The following UXS1 variants were observed in gnomAD, a reference collection of about 807,000 sequenced individuals.
UXS1 encodes UDP-glucuronate decarboxylase 1.
Under a neutral mutation model 62.6 loss-of-function variants are expected in UXS1, and 33 were observed. The observed-to-expected ratio is 0.53, with a 90% CI of 0.40 to 0.70. The LOEUF is 0.70. UXS1 is among the 30% of genes least tolerant of loss of function. The pLI is 0.00. For missense variants in UXS1, 434 were observed against 556.3 expected (o/e 0.78, Z 2.21); for synonymous variants, 213 against 206.8 (o/e 1.03, Z -0.26).
At chr2:106,148,059 C>G (rs1681710654) in intron 5 of UXS1, among the ~76,000 whole-genome samples, 1 of 152,166 alleles carries the variant, frequency 6.6e-6, no homozygotes, top group South Asian at 2.1e-4. Context: ...GAAACTGACA[C>G]CCAGAGAAGT....
At position 106,124,875 on chromosome 2, in the gene UXS1, G is replaced by C. The variant is rs144956554; in HGVS notation, c.637+745C>G. On this transcript the variant is annotated intron_variant, in intron 8 of 14. Coordinates refer to ENST00000283148, the MANE Select transcript of UXS1 (RefSeq NM_001253875.2). ...ATTTGGTTTCCTTAATTAAAAAAAA[G>C]TCTCTTCTGATTTTACCCTCTTACT... Among the ~76,000 whole-genome samples the C allele has an allele frequency of 6.2e-3, 950 of 152,204 alleles. 10 individuals are homozygous for C. The highest frequency in any genetic ancestry group is 0.021 in the African/African-American group (881 of 41,520).
intron 8 of UXS1, among the ~76,000 whole-genome samples, chr2:106,123,956 G>A (rs1679728062): frequency 1.3e-5 from 2 of 152,190 alleles, no homozygotes. Context: ...GCAGGTGCAG[G>A]GAGGTAAACA....
At chr2:106,168,590 T>C (rs1683352649) in intron 1 of UXS1, among the ~76,000 whole-genome samples, 1 of 152,224 alleles carries the variant, frequency 6.6e-6, no homozygotes, top group South Asian at 2.1e-4. Flanking sequence ...CTGTAACACT[T>C]ATACCTTTGA....
chr2:106,097,435 C>G, intron 13 of UXS1: 1 of 349,102 alleles, frequency 2.9e-6, no homozygotes. Flanking sequence ...TGGAGGCTTT[C>G]CCTGCCTCCG....
chr2:106,193,636 C>T (rs1685078267), intron 1 of UXS1, among the ~76,000 whole-genome samples: 1 of 152,176 alleles, frequency 6.6e-6, no homozygotes, highest in Admixed American at 6.5e-5. Context: ...GAGCCGCCCA[C>T]ACTTGGCTCC....
At chr2:106,184,252 A>T (rs1287569307) in intron 1 of UXS1, among the ~76,000 whole-genome samples, 1 of 152,218 alleles carries the variant, frequency 6.6e-6, no homozygotes, top group African/African-American at 2.4e-5. Context: ...AATCCTCCCC[A>T]CATTTACCCT....
intron 1 of UXS1, among the ~76,000 whole-genome samples, chr2:106,177,298 C>T (rs1421297931): frequency 6.8e-6 from 1 of 146,468 alleles, no homozygotes; most frequent in Non-Finnish European, 1.5e-5. Context: ...CGGGTTCAAG[C>T]GATTCTCCTG....
intron 9 of UXS1, among the ~76,000 whole-genome samples, chr2:106,115,067 G>C (rs1326852881): frequency 6.6e-6 from 1 of 152,136 alleles, no homozygotes; most frequent in Non-Finnish European, 1.5e-5. Context: ...CATTCTCACT[G>C]GTCCTCACGG....
At chr2:106,156,848 C>A (rs1682472755) in intron 5 of UXS1, among the ~76,000 whole-genome samples, 1 of 152,124 alleles carries the variant, frequency 6.6e-6, no homozygotes, top group Non-Finnish European at 1.5e-5. Context: ...ATAAGGAAAC[C>A]ACAGATATGG....
intron 9 of UXS1, among the ~76,000 whole-genome samples, chr2:106,120,015 G>A (rs1401415997): frequency 6.6e-6 from 1 of 152,142 alleles, no homozygotes; most frequent in Non-Finnish European, 1.5e-5. Context: ...TCTCAGCTGT[G>A]AGGTGTCTGC....
Position 106,172,880 on chromosome 2 carries a change from G to A in UXS1, c.95-6797C>T, listed in dbSNP as rs1466994816. ...ACTTGCCACACCTGCCTGCCTCAGG[G>A]CCTTTGCACTTACACTTCTCCCAAC... On this transcript the variant is annotated intron_variant, in intron 1 of 14. Transcript: ENST00000283148. Among the ~76,000 whole-genome samples the A allele has an allele frequency of 3.3e-5, 5 of 152,218 alleles. No individual in the cohort carries two copies. In the East Asian group the frequency reaches 9.6e-4, roughly 29 times the overall value.
intron 1 of UXS1, among the ~76,000 whole-genome samples, chr2:106,192,282 C>T (rs1684979557): frequency 6.6e-6 from 1 of 152,210 alleles, no homozygotes; most frequent in African/African-American, 2.4e-5. Flanking sequence ...CTGCTGGGAG[C>T]GGTGGCTTAC....
intron 6 of UXS1, 136 bp from the exon 7 acceptor site, chr2:106,129,914 C>T: frequency 1.8e-6 from 1 of 551,532 alleles, no homozygotes. Context: ...TTCATATAAA[C>T]TAATTTACAT....
intron 1 of UXS1, among the ~76,000 whole-genome samples, chr2:106,179,789 C>T (rs900892459): frequency 2.6e-5 from 4 of 152,182 alleles, no homozygotes; most frequent in Non-Finnish European, 5.9e-5. Flanking sequence ...ACCATAGATT[C>T]ATGAGGTAGA....
In UXS1 at chr2:106,146,197, G is replaced by A. The variant is rs375069761; in HGVS notation, c.292-827C>T. Among the ~76,000 whole-genome samples, 60 of 152,336 alleles carry A rather than the reference G, an allele frequency of 3.9e-4. 1 individual carries two copies. In the South Asian group the frequency reaches 8.9e-3, roughly 23 times the overall value. Reference sequence around the variant, plus strand: ...GGGGAAGGTTATAGGCGGTGGGAGTGAAAAGAATAGGCTCAGAAAACAGAC... The same window carrying A: ...GGGGAAGGTTATAGGCGGTGGGAGTAAAAAGAATAGGCTCAGAAAACAGAC... On this transcript the variant is annotated intron_variant, in intron 5 of 14. Coordinates refer to ENST00000283148, the MANE Select transcript of UXS1 (RefSeq NM_001253875.2).
intron 1 of UXS1, among the ~76,000 whole-genome samples, chr2:106,193,696 G>A (rs1356201409): frequency 1.3e-5 from 2 of 152,210 alleles, no homozygotes; most frequent in South Asian, 2.1e-4. Flanking sequence ...CAGTCGGAGC[G>A]GGGGCTCTGC....
chr2:106,186,564 A>G (rs979087290), intron 1 of UXS1, among the ~76,000 whole-genome samples: 1 of 152,162 alleles, frequency 6.6e-6, no homozygotes, highest in South Asian at 2.1e-4. Context: ...ACAAAAAAAA[A>G]TCAGGCTACT....
intron 4 of UXS1, chr2:106,159,260 C>CG (rs1179699053): frequency 6.6e-6 from 1 of 152,266 alleles, no homozygotes; most frequent in Non-Finnish European, 1.5e-5. Context: ...AAAGCAGCTT[C>CG]GTGAAGTCAC....
intron 7 of UXS1, among the ~76,000 whole-genome samples, chr2:106,127,367 C>A (rs777872786): frequency 6.6e-6 from 1 of 152,152 alleles, no homozygotes; most frequent in Non-Finnish European, 1.5e-5. Context: ...TACCTGAGTT[C>A]TTTCTAGTTT....
Sources: gnomAD v4.1 joint callset for allele counts (sites outside exome capture counted in the v4.1 genomes callset) on GRCh38, gnomAD v4.1.1 for gene constraint, MANE v1.5 for transcripts, NCBI Gene and HGNC (gene_info 2026-07-23, HGNC 2026-07-21) for gene names.